Variants in TIMELESS observed in about 807,000 individuals in gnomAD.
TIMELESS encodes protein timeless homolog.
Under a neutral mutation model 164.3 loss-of-function variants are expected in TIMELESS, and 124 were observed. The ratio of observed to expected loss-of-function variants is 0.75; its 90% CI spans 0.65 to 0.88. TIMELESS has a LOEUF of 0.88. Among genes scored for constraint, TIMELESS ranks in the 40% least tolerant of loss-of-function variants. TIMELESS has a pLI of 0.00. For missense variants in TIMELESS, 1,422 were observed against 1,491.4 expected, an observed-to-expected ratio of 0.95 and a Z score of 0.77; for synonymous variants, 564 against 563.4, an observed-to-expected ratio of 1.00 and a Z score of -0.02.
rs57127557 is a variant in TIMELESS at position 56,439,167 on chromosome 12, C to CAAAAA, written c.-61-4941_-61-4937dup. 3.5e-5 allele frequency among the ~76,000 whole-genome samples: 3 copies of CAAAAA among 85,660 alleles called. 1 individual carries two copies. Among genetic ancestry groups the CAAAAA allele is most frequent in the African/African-American group, 4.5e-5 (1 of 22,430 alleles). 56.2% of individuals were successfully genotyped at this position (85,660 alleles called of 152,430 possible). A position where few individuals can be genotyped will look rare whatever the true frequency, so the allele number is the denominator to read the frequency against. ...GGCACCAAGAGTGAAAACTCCTTCT[C>CAAAAA]AAAAAAAAAAAAAAAAAAAAAAAAA... On this transcript the variant is annotated intron_variant, in intron 1 of 28. Transcript: ENST00000553532.
At position 56,431,611 on chromosome 12, in the gene TIMELESS, TG is replaced by T; in HGVS notation, c.688-8del. 1.2e-6 allele frequency: 2 copies of T among 1,608,800 alleles called. No individual in the cohort carries two copies. Among genetic ancestry groups the T allele is most frequent in the South Asian group, 1.1e-5 (1 of 90,648 alleles). ...CCGCCAGCTGCTCGGGGTTCTAGAT[TG>T]GAACAAAGAGGGAAGAATCAGGAGG... On this transcript the variant is annotated splice_region_variant and splice_polypyrimidine_tract_variant and intron_variant, in intron 7 of 28. Transcript: ENST00000553532.
intron 28 of TIMELESS, 22 bp from the exon 29 acceptor site, chr12:56,417,808 G>A (rs201236664): frequency 4.3e-6 from 7 of 1,611,392 alleles, no homozygotes; most frequent in Non-Finnish European, 5.9e-6. Flanking sequence ...ATGGGGGTGA[G>A]AGAGAGAGAG....
At chr12:56,435,953 C>T (rs35627118) in intron 1 of TIMELESS, among the ~76,000 whole-genome samples, 78,727 of 134,550 alleles carry the variant, frequency 0.59, 22,338 homozygotes, top group African/African-American at 0.64. Flanking sequence ...AGCGAGACTC[C>T]GTCTTAAAAA....
At position 56,420,678 on chromosome 12, in the gene TIMELESS, T is replaced by C; in HGVS notation, c.3119A>G (p.Gln1040Arg). The C allele has an allele frequency of 6.2e-7, 1 of 1,614,190 alleles. No individual in the cohort carries two copies. ...TGTGAGTGGCACCAATGGAACGGCC[T>C]GGGAGCAGCCTAAGACAGGGTCAAT... is the stretch of plus-strand genomic sequence containing the variant. The part of the protein sequence containing the change: ...ADDREEDGCS[Q>R]AVPLVPLTEE... Residue 1040 changes from glutamine to arginine, a missense_variant, in exon 26 of 29, where the codon CAG becomes CGG. Gln to Arg is a conservative substitution (Grantham distance 43, BLOSUM62 1). Coordinates refer to ENST00000553532, the MANE Select transcript of TIMELESS (RefSeq NM_003920.5).
Position 56,421,037 on chromosome 12 carries a change from C to A in TIMELESS, c.2966G>T (p.Gly989Val). The A allele has an allele frequency of 6.2e-7, 1 of 1,614,198 alleles. No individual in the cohort carries two copies. Among genetic ancestry groups the A allele is most frequent in the African/African-American group, 1.3e-5 (1 of 75,048 alleles). Residue 989 changes from glycine (G) to valine (V), a missense_variant, in exon 24 of 29, where the codon GGC (glycine) becomes GTC (valine). By Grantham distance (109) the Gly-to-Val change is moderately radical. Coordinates refer to ENST00000553532, the MANE Select transcript of TIMELESS (RefSeq NM_003920.5). ...EEDSEEEEEGGSEAEQVQGSL... is the reference protein window; with the variant it reads ...EEDSEEEEEGVSEAEQVQGSL... ...ACCCTGGACTTGTTCTGCTTCTGAG[C>A]CCCCTTCTTCTTCCTCTTCGCTGTC...
chr12:56,420,791 A>G (rs1335025551), intron 25 of TIMELESS, 22 bp downstream of exon 25: 1 of 1,614,074 alleles, frequency 6.2e-7, no homozygotes, highest in East Asian at 2.2e-5. Flanking sequence ...TCTTCTCCTA[A>G]AAGTGTCACC....
At chr12:56,437,483 G>T (rs896556112) in intron 1 of TIMELESS, among the ~76,000 whole-genome samples, 5 of 151,642 alleles carry the variant, frequency 3.3e-5, no homozygotes, top group Non-Finnish European at 5.9e-5. Context: ...GAGTGCAGTG[G>T]TACAATCACG....
intron 9 of TIMELESS, 123 bp downstream of exon 9, chr12:56,430,758 C>A (rs964201313): frequency 3.4e-6 from 2 of 591,136 alleles, no homozygotes; most frequent in Non-Finnish European, 5.8e-6. Flanking sequence ...CCTGCCTCAG[C>A]CTCCCAAAGT....
Position 56,428,667 on chromosome 12 carries a change from G to A in TIMELESS, c.1305-15C>T. The A allele has an allele frequency of 1.2e-6, 2 of 1,609,308 alleles. No individual in the cohort carries two copies. Among genetic ancestry groups the A allele is most frequent in the Non-Finnish European group, 1.7e-6 (2 of 1,175,932 alleles). On this transcript the variant is annotated splice_polypyrimidine_tract_variant and intron_variant, in intron 11 of 28. Coordinates refer to ENST00000553532, the MANE Select transcript of TIMELESS (RefSeq NM_003920.5). ...CCAAGTGCATCCTGAGAGTTGACGG[G>A]AAACGGTGAAATGGAGGACAGCTTA... is the stretch of plus-strand genomic sequence containing the variant.
At chr12:56,420,070 G>GTA (rs71081354) in intron 26 of TIMELESS, among the ~76,000 whole-genome samples, 2 of 96,778 alleles carry the variant, frequency 2.1e-5, no homozygotes, top group African/African-American at 7.2e-5. Context: ...GTGTGTGTGT[G>GTA]TATATATATA....
intron 1 of TIMELESS, among the ~76,000 whole-genome samples, chr12:56,442,083 CAAAAAAA>C (rs34126247): frequency 1.1e-5 from 1 of 94,372 alleles, no homozygotes; most frequent in Non-Finnish European, 1.9e-5. Flanking sequence ...GACTCCGTCT[CAAAAAAA>C]AAAAAAAAAA....
chr12:56,426,662 T>G (rs1881688969), intron 13 of TIMELESS, among the ~76,000 whole-genome samples: 1 of 151,820 alleles, frequency 6.6e-6, no homozygotes, highest in Non-Finnish European at 1.5e-5. Context: ...CGGGTTCAAG[T>G]GATTCTCCCA....
Position 56,445,422 on chromosome 12 carries a change from C to CAAAAAAA in TIMELESS, c.-62+3881_-62+3887dup, listed in dbSNP as rs71081360. Among the ~76,000 whole-genome samples the CAAAAAAA allele has an allele frequency of 2.4e-3, 45 of 18,746 alleles. 5 individuals are homozygous for CAAAAAAA. The highest frequency in any genetic ancestry group is 4.1e-3 in the Non-Finnish European group (35 of 8,542). The allele number at this position is 18,746 out of a possible 152,430, so 12.3% of individuals were successfully genotyped here. ...GGGAAACAAGAGCGAAACTCCACGT[C>CAAAAAAA]AAAAAAAAAAAAAAAAAAAAAAAAA... On this transcript the variant is annotated intron_variant, in intron 1 of 28. Transcript: ENST00000553532.
At chr12:56,435,231 C>A (rs1882032364) in intron 1 of TIMELESS, among the ~76,000 whole-genome samples, 1 of 152,148 alleles carries the variant, frequency 6.6e-6, no homozygotes, top group African/African-American at 2.4e-5. Context: ...TCACTCTCCT[C>A]TCCAAAGTTA....
chr12:56,422,310 GC>G, intron 19 of TIMELESS, 119 bp from the exon 20 acceptor site: 1 of 862,564 alleles, frequency 1.2e-6, no homozygotes, highest in Non-Finnish European at 1.9e-6. Context: ...ACTGAAAGAG[GC>G]CAGCCAGCAG....
chr12:56,431,694 T>C (rs1012640007), intron 7 of TIMELESS, 90 bp from the exon 8 acceptor site: 31 of 1,480,682 alleles, frequency 2.1e-5, no homozygotes, highest in South Asian at 4.0e-5. Context: ...GTGAACAAAA[T>C]AGAACCCCAT....
In TIMELESS at chr12:56,424,787, C is replaced by T. The variant is rs1431333426; in HGVS notation, c.1843G>A (p.Ala615Thr). The T allele has an allele frequency of 1.2e-6, 2 of 1,614,146 alleles. No individual in the cohort carries two copies. The highest frequency in any genetic ancestry group is 1.1e-5 in the South Asian group (1 of 91,082). The change falls in exon 15 of 29, where the codon GCC becomes ACC. Residue 615 changes from alanine to threonine, a missense_variant. Transcript: ENST00000553532. ...DCLLAGQAPQ[A>T]LTLLRSAREV... ...CGAGCAGACCTCAGGAGAGTCAGGG[C>T]CTGTGGGGCCTGGCCAGCCAGGAGA...
At chr12:56,420,786 T>G (rs812279) in intron 25 of TIMELESS, 27 bp downstream of exon 25, 712,721 of 1,613,572 alleles carry the variant, frequency 0.44, 160,914 homozygotes, top group East Asian at 0.66. Context: ...AGGGCTCTTC[T>G]CCTAAAAGTG....
chr12:56,433,692 T>G (rs746378484), intron 3 of TIMELESS, 40 bp from the exon 4 acceptor site: 2 of 1,613,870 alleles, frequency 1.2e-6, no homozygotes, highest in Non-Finnish European at 8.5e-7. Context: ...TTAAGTTTCT[T>G]TACCAGCTCA....
Sources: allele counts gnomAD v4.1 joint callset (sites outside exome capture counted in the v4.1 genomes callset), GRCh38; gene constraint gnomAD v4.1.1; transcripts MANE v1.5; gene names NCBI Gene and HGNC (gene_info 2026-07-23, HGNC 2026-07-21).